MED12L: variants seen among roughly 807,000 people sequenced by gnomAD.
MED12L encodes mediator of RNA polymerase II transcription subunit 12-like protein.
In MED12L, 60 loss-of-function variants were observed where a neutral mutation model predicts 281.3. That is an observed-to-expected ratio of 0.21 (90% CI 0.17 to 0.26). The LOEUF is 0.26. MED12L is among the 10% of genes least tolerant of loss of function. The pLI, the probability that MED12L is intolerant of heterozygous loss-of-function variation, is 1.00. For synonymous variants in MED12L, 974 were observed against 987.2 expected, an observed-to-expected ratio of 0.99 and a Z score of 0.25; for missense variants, 2,146 against 2,680.9, an observed-to-expected ratio of 0.80 and a Z score of 4.41.
intron 16 of MED12L, chr3:151,329,420 C>T: frequency 1.9e-6 from 2 of 1,042,804 alleles, no homozygotes; most frequent in East Asian, 2.6e-5. Context: ...CACCTTTTTT[C>T]CCTTAAGCAT....
At chr3:151,207,960 T>C (rs1248221173) in intron 16 of MED12L, among the ~76,000 whole-genome samples, 1 of 152,126 alleles carries the variant, frequency 6.6e-6, no homozygotes, top group Non-Finnish European at 1.5e-5. Flanking sequence ...TTAGATAGAT[T>C]TTTATTTTAT....
chr3:151,376,929 A>T, intron 29 of MED12L, 55 bp downstream of exon 29: 1 of 1,610,658 alleles, frequency 6.2e-7, no homozygotes, highest in South Asian at 1.1e-5. Context: ...AAGCAAAAAC[A>T]CGTTGATGTT....
chr3:151,124,374 GTTAA>G (rs897989102), intron 4 of MED12L, among the ~76,000 whole-genome samples: 2 of 152,166 alleles, frequency 1.3e-5, no homozygotes, highest in Non-Finnish European at 2.9e-5. Context: ...AAGCCCTGAT[GTTAA>G]TTCTTTGCAA....
intron 12 of MED12L, among the ~76,000 whole-genome samples, chr3:151,186,979 T>C (rs980773766): frequency 2.6e-5 from 4 of 152,178 alleles, no homozygotes; most frequent in Admixed American, 1.3e-4. Context: ...GTTGCTGATA[T>C]TACACCTCCT....
At chr3:151,183,886 G>T (rs996312947) in intron 11 of MED12L, among the ~76,000 whole-genome samples, 1 of 152,142 alleles carries the variant, frequency 6.6e-6, no homozygotes, top group African/African-American at 2.4e-5. Flanking sequence ...AAAACTGAAA[G>T]CAGTATTTTT....
intron 2 of MED12L, among the ~76,000 whole-genome samples, chr3:151,096,833 G>A (rs960536230): frequency 6.6e-6 from 1 of 152,200 alleles, no homozygotes; most frequent in African/African-American, 2.4e-5. Context: ...TACTTGGCCT[G>A]TCTGTAAACA....
In MED12L at chr3:151,409,250, CG is replaced by C; in HGVS notation, c.5833del (p.Asp1945ThrfsTer72). On this transcript the variant is annotated frameshift_variant, in exon 40 of 45. Transcript: ENST00000687756. LOFTEE classifies it high-confidence loss of function. ...TTTGGCTTTGTTTTCCAGGGCCAGC[CG>C]GGGGACCAGGCTGCTCTCTTTGCTG... The part of the protein sequence containing the change: ...AQTRPFQQGQ[P>X]GDQAALFAAQ... 1 of 1,592,234 alleles carries C rather than the reference CG, an allele frequency of 6.3e-7. No homozygotes were observed.
intron 16 of MED12L, among the ~76,000 whole-genome samples, chr3:151,280,126 C>T (rs1056603976): frequency 6.6e-6 from 1 of 152,270 alleles, no homozygotes; most frequent in African/African-American, 2.4e-5. Flanking sequence ...AAAAGGATAG[C>T]CCTACAGGTG....
chr3:151,412,505 C>A (rs1056727610), intron 41 of MED12L, among the ~76,000 whole-genome samples: 2 of 152,156 alleles, frequency 1.3e-5, no homozygotes, highest in African/African-American at 2.4e-5. Context: ...CCATCTGTTA[C>A]CATCAATGGC....
chr3:151,347,662 G>GT (rs1752695823), intron 16 of MED12L, among the ~76,000 whole-genome samples: 1 of 152,152 alleles, frequency 6.6e-6, no homozygotes, highest in Admixed American at 6.6e-5. Flanking sequence ...GAAATGTTGA[G>GT]TAAGGCAGTT....
chr3:151,365,904 T>C lies in MED12L; in HGVS notation c.3240T>C (p.Leu1080=). 1 of 1,613,780 alleles carries C rather than the reference T, an allele frequency of 6.2e-7. No homozygotes were observed. The highest frequency in any genetic ancestry group is 8.5e-7 in the Non-Finnish European group (1 of 1,179,750). Residue 1080 remains leucine (L), a synonymous_variant, in exon 23 of 45, where the codon CTT becomes CTC. Coordinates refer to ENST00000687756, the MANE Select transcript of MED12L (RefSeq NM_001393769.1). ...AGCTTACGGCTTGCTGCACTGTTCT[T>C]AGTTCAGAATGGCTGGGGGTTCTGA... is the stretch of plus-strand genomic sequence containing the variant. ...SSELTACCTV[L]SSEWLGVLKA...
chr3:151,237,533 T>C (rs1577068949), intron 16 of MED12L, among the ~76,000 whole-genome samples: 1 of 151,310 alleles, frequency 6.6e-6, no homozygotes, highest in South Asian at 2.1e-4. Flanking sequence ...GTATTTTTAG[T>C]GGAGATGGGG....
intron 11 of MED12L, among the ~76,000 whole-genome samples, chr3:151,176,230 T>C (rs1260824989): frequency 6.6e-6 from 1 of 152,172 alleles, no homozygotes; most frequent in Non-Finnish European, 1.5e-5. Flanking sequence ...TTTAGTTTGC[T>C]CAACTGTAAA....
intron 16 of MED12L, among the ~76,000 whole-genome samples, chr3:151,253,806 A>G (rs1737284107): frequency 1.3e-5 from 2 of 152,086 alleles, no homozygotes; most frequent in Admixed American, 6.6e-5. Flanking sequence ...TCTGGGCTTG[A>G]AACATTGTCC....
At chr3:151,398,776 G>A (rs1715292961) in intron 39 of MED12L, among the ~76,000 whole-genome samples, 1 of 152,134 alleles carries the variant, frequency 6.6e-6, no homozygotes, top group African/African-American at 2.4e-5. Flanking sequence ...TTCAGTGATT[G>A]CTGAAACCAC....
intron 8 of MED12L, among the ~76,000 whole-genome samples, chr3:151,162,259 TAC>T (rs1389174187): frequency 1.3e-5 from 2 of 152,136 alleles, no homozygotes; most frequent in Non-Finnish European, 2.9e-5. Flanking sequence ...TCCACATTGT[TAC>T]AGTCATGAGG....
intron 33 of MED12L, 101 bp downstream of exon 33, chr3:151,382,846 G>A (rs925796569): frequency 2.5e-5 from 21 of 847,378 alleles, no homozygotes; most frequent in Non-Finnish European, 3.5e-5. Context: ...GCATTACAAG[G>A]TGAGGCCTTC....
intron 11 of MED12L, among the ~76,000 whole-genome samples, chr3:151,182,798 C>T (rs1004690080): frequency 6.6e-6 from 1 of 152,036 alleles, no homozygotes; most frequent in African/African-American, 2.4e-5. Context: ...TGATTGTGGT[C>T]AGCAGGTGGA....
intron 32 of MED12L, among the ~76,000 whole-genome samples, chr3:151,380,989 T>C (rs1178954886): frequency 6.6e-6 from 1 of 152,194 alleles, no homozygotes; most frequent in Non-Finnish European, 1.5e-5. Context: ...AGAAGGCATG[T>C]TGGTTTATTT....
Sources: gnomAD v4.1 joint callset for allele counts (sites outside exome capture counted in the v4.1 genomes callset) on GRCh38, gnomAD v4.1.1 for gene constraint, MANE v1.5 for transcripts, NCBI Gene and HGNC (gene_info 2026-07-23, HGNC 2026-07-21) for gene names.